Variants in SLC24A2 observed in about 807,000 individuals in gnomAD.
SLC24A2 encodes sodium/potassium/calcium exchanger 2.
A neutral mutation model predicts 62.0 loss-of-function variants in SLC24A2; 36 were observed. The ratio of observed to expected loss-of-function variants is 0.58; its 90% CI spans 0.44 to 0.77. SLC24A2 has a LOEUF of 0.77. Among genes scored for constraint, SLC24A2 ranks in the 30% least tolerant of loss-of-function variants. The probability of loss-of-function intolerance (pLI) is 0.00; values close to 1 mark genes in which losing one functional copy is unlikely to be tolerated. For missense variants in SLC24A2, 846 were observed against 817.9 expected, an observed-to-expected ratio of 1.03 and a Z score of -0.42; for synonymous variants, 358 against 294.0, an observed-to-expected ratio of 1.22 and a Z score of -2.23.
the SLC24A2 span, among the ~76,000 whole-genome samples, chr9:20,136,458 A>C: frequency 6.6e-6 from 1 of 152,138 alleles, no homozygotes; most frequent in Non-Finnish European, 1.5e-5. Flanking sequence ...ATCATTCCAC[A>C]CTTAACACTT....
At chr9:19,730,888 T>C (rs2118706693) in intron 2 of SLC24A2, among the ~76,000 whole-genome samples, 1 of 152,218 alleles carries the variant, frequency 6.6e-6, no homozygotes, top group South Asian at 2.1e-4. Context: ...GGTTTTTTTT[T>C]TTACCTTTGA....
intron 2 of SLC24A2, among the ~76,000 whole-genome samples, chr9:19,679,066 C>A (rs77415023): frequency 2.6e-5 from 4 of 152,122 alleles, no homozygotes; most frequent in African/African-American, 7.2e-5. Context: ...ATGAGAACAT[C>A]GACTTTTCCA....
At chr9:19,521,456 A>G in intron 9 of SLC24A2, among the ~76,000 whole-genome samples, 1 of 152,232 alleles carries the variant, frequency 6.6e-6, no homozygotes, top group East Asian at 1.9e-4. Flanking sequence ...CCTTCAACTT[A>G]CTACCAAAAC....
At chr9:19,749,552 G>C (rs2118802466) in intron 2 of SLC24A2, among the ~76,000 whole-genome samples, 1 of 152,274 alleles carries the variant, frequency 6.6e-6, no homozygotes, top group East Asian at 1.9e-4. Context: ...TACTAGAAGA[G>C]ATTCTAGGCA....
chr9:19,638,695 T>G (rs989938025), intron 2 of SLC24A2, among the ~76,000 whole-genome samples: 1 of 152,208 alleles, frequency 6.6e-6, no homozygotes, highest in African/African-American at 2.4e-5. Flanking sequence ...CACTAGTTAC[T>G]GGAGGACTCT....
At chr9:20,249,615 G>A in the SLC24A2 span, among the ~76,000 whole-genome samples, 1 of 146,108 alleles carries the variant, frequency 6.8e-6, no homozygotes, top group Non-Finnish European at 1.5e-5. Flanking sequence ...TGAGGCAGGA[G>A]AATTGCTTGA....
At chr9:19,695,672 T>C (rs1820168091) in intron 2 of SLC24A2, among the ~76,000 whole-genome samples, 1 of 110,990 alleles carries the variant, frequency 9.0e-6, no homozygotes, top group South Asian at 3.4e-4. Context: ...GCATTGCTTG[T>C]TAGTAGCAAA....
chr9:20,219,366 A>G, the SLC24A2 span, among the ~76,000 whole-genome samples: 1 of 152,180 alleles, frequency 6.6e-6, no homozygotes, highest in African/African-American at 2.4e-5. Context: ...CTGGAGTTGG[A>G]CACTGACTTT....
the SLC24A2 span, among the ~76,000 whole-genome samples, chr9:20,076,117 G>T: frequency 6.6e-6 from 1 of 151,872 alleles, no homozygotes; most frequent in South Asian, 2.1e-4. Context: ...ATATTTTTGA[G>T]CTGCATTTGG....
the SLC24A2 span, among the ~76,000 whole-genome samples, chr9:20,026,071 C>A: frequency 3.3e-5 from 5 of 152,224 alleles, no homozygotes; most frequent in East Asian, 9.7e-4. Flanking sequence ...TGGCATTGGT[C>A]AAATTGCATA....
the SLC24A2 span, among the ~76,000 whole-genome samples, chr9:20,078,480 A>T: frequency 6.6e-6 from 1 of 152,170 alleles, no homozygotes. Flanking sequence ...TGAGCAGTAC[A>T]AGAACAAGAT....
the SLC24A2 span, among the ~76,000 whole-genome samples, chr9:20,054,890 A>G: frequency 2.0e-5 from 3 of 152,238 alleles, no homozygotes; most frequent in Admixed American, 6.5e-5. Context: ...TCATAATTGC[A>G]TTAACTTAGT....
At chr9:19,832,004 G>A in the SLC24A2 span, among the ~76,000 whole-genome samples, 3 of 152,158 alleles carry the variant, frequency 2.0e-5, no homozygotes, top group African/African-American at 7.2e-5. Context: ...TTTTTTGTCT[G>A]TTTGTTTTGT....
At chr9:19,637,829 T>C (rs1818397789) in intron 2 of SLC24A2, among the ~76,000 whole-genome samples, 1 of 152,230 alleles carries the variant, frequency 6.6e-6, no homozygotes, top group Non-Finnish European at 1.5e-5. Context: ...TCACACTTTG[T>C]TGTTTTATAA....
chr9:19,678,452 C>A (rs1480403002), intron 2 of SLC24A2, among the ~76,000 whole-genome samples: 1 of 152,152 alleles, frequency 6.6e-6, no homozygotes, highest in Admixed American at 6.5e-5. Flanking sequence ...TTAAAACAAC[C>A]AAATAAAGCA....
intron 7 of SLC24A2, among the ~76,000 whole-genome samples, chr9:19,573,102 G>A (rs1835885950): frequency 1.3e-5 from 2 of 152,146 alleles, no homozygotes; most frequent in Non-Finnish European, 1.5e-5. Flanking sequence ...ACTGATGCAT[G>A]AGTCCTTCAA....
chr9:19,536,271 T>C (rs1833973204), intron 8 of SLC24A2, among the ~76,000 whole-genome samples: 1 of 151,216 alleles, frequency 6.6e-6, no homozygotes, highest in Admixed American at 6.6e-5. Flanking sequence ...TACATATGTA[T>C]ACATGTGCCA....
chr9:20,136,510 C>A, the SLC24A2 span, among the ~76,000 whole-genome samples: 1 of 152,146 alleles, frequency 6.6e-6, no homozygotes, highest in Non-Finnish European at 1.5e-5. Context: ...TAATTTAAAC[C>A]ATTTTTCACA....
chr9:19,512,314 G>GT lies in SLC24A2; in HGVS notation c.*3838dup, dbSNP rs1832747951. ...TGATGGCCCTTGTCAGGTGACACCT[G>GT]TTAGAAGCCTTACAAAGCATTTTTC... On this transcript the variant is annotated 3_prime_UTR_variant, in exon 11 of 11. Transcript: ENST00000341998. 2 of 152,236 alleles carry GT rather than the reference G, an allele frequency of 1.3e-5. No homozygotes were observed. Among genetic ancestry groups the GT allele is most frequent in the South Asian group, 2.1e-4 (1 of 4,834 alleles). The allele number at this position is 152,236 out of a possible 1,614,324, so 9.4% of individuals were successfully genotyped here.
Sources: gnomAD v4.1 joint callset for allele counts (sites outside exome capture counted in the v4.1 genomes callset) on GRCh38, gnomAD v4.1.1 for gene constraint, MANE v1.5 for transcripts, NCBI Gene and HGNC (gene_info 2026-07-23, HGNC 2026-07-21) for gene names.